GPSM2: variants seen among roughly 807,000 people sequenced by gnomAD.
GPSM2 encodes the protein G protein-signaling modulator 2.
In GPSM2, 58 loss-of-function variants were observed where a neutral mutation model predicts 78.4. That is an observed-to-expected ratio of 0.74 (90% CI 0.60 to 0.92). GPSM2 has a LOEUF of 0.92. Among genes scored for constraint, GPSM2 ranks in the 40% least tolerant of loss-of-function variants. The probability of loss-of-function intolerance (pLI) is 0.00; values close to 1 mark genes in which losing one functional copy is unlikely to be tolerated. For synonymous variants in GPSM2, 224 were observed against 280.2 expected, an observed-to-expected ratio of 0.80 and a Z score of 2.00; for missense variants, 700 against 815.5, an observed-to-expected ratio of 0.86 and a Z score of 1.73.
intron 13 of GPSM2, among the ~76,000 whole-genome samples, chr1:108,923,728 G>A (rs1650911023): frequency 6.6e-6 from 1 of 152,174 alleles, no homozygotes; most frequent in Non-Finnish European, 1.5e-5. Context: ...GTTACATTTT[G>A]AGTGAGCATT....
chr1:108,884,376 A>G (rs977868211), intron 1 of GPSM2, among the ~76,000 whole-genome samples: 8 of 152,306 alleles, frequency 5.3e-5, no homozygotes, highest in East Asian at 3.9e-4. Context: ...AGTAACAGCA[A>G]TCCAAAAAAC....
chr1:108,909,635 T>A, intron 10 of GPSM2: 1 of 152,004 alleles, frequency 6.6e-6, no homozygotes, highest in East Asian at 1.9e-4. Context: ...CCAGGCGCGG[T>A]GGCTCACGCC....
At chr1:108,900,395 C>T (rs1648713174) in intron 7 of GPSM2, among the ~76,000 whole-genome samples, 1 of 152,006 alleles carries the variant, frequency 6.6e-6, no homozygotes, top group Non-Finnish European at 1.5e-5. Flanking sequence ...TCTGCCACCA[C>T]GCCCAGCTAA....
intron 2 of GPSM2, among the ~76,000 whole-genome samples, chr1:108,893,378 C>T (rs541275044): frequency 1.3e-5 from 2 of 152,292 alleles, no homozygotes; most frequent in South Asian, 4.1e-4. Flanking sequence ...CCTCACTTCC[C>T]CCTCAGTGAA....
chr1:108,904,392 GCT>G (rs1216010369), intron 10 of GPSM2, 138 bp downstream of exon 10: 4 of 374,596 alleles, frequency 1.1e-5, no homozygotes, highest in Non-Finnish European at 2.0e-5. Flanking sequence ...GCTGTACACA[GCT>G]CTGTTTGTAA....
chr1:108,888,751 G>A (rs1206599787), intron 2 of GPSM2, among the ~76,000 whole-genome samples: 1 of 152,168 alleles, frequency 6.6e-6, no homozygotes, highest in African/African-American at 2.4e-5. Flanking sequence ...AATTTTAGAT[G>A]TCTTAACATA....
intron 1 of GPSM2, among the ~76,000 whole-genome samples, chr1:108,878,979 G>A (rs1298593723): frequency 6.6e-6 from 1 of 152,202 alleles, no homozygotes; most frequent in Non-Finnish European, 1.5e-5. Flanking sequence ...AATCTCTGCT[G>A]TGTCTCTGGA....
At chr1:108,917,611 C>CATATATATATATATATATATAT (rs55909258) in intron 11 of GPSM2, among the ~76,000 whole-genome samples, 7 of 22,702 alleles carry the variant, frequency 3.1e-4, no homozygotes, top group Non-Finnish European at 4.7e-4. Flanking sequence ...CACACACACA[C>CATATATATATATATATATATAT]ATATATATAT....
Position 108,931,129 on chromosome 1 carries a change from T to G in GPSM2, c.*1189T>G. 1 of 507,204 alleles carries G rather than the reference T, an allele frequency of 2.0e-6. No homozygotes were observed. Among genetic ancestry groups the G allele is most frequent in the South Asian group, 2.7e-5 (1 of 37,526 alleles). The allele number at this position is 507,204 out of a possible 1,614,324, so 31.4% of individuals were successfully genotyped here. A position where few individuals can be genotyped will look rare whatever the true frequency, so the allele number is the denominator to read the frequency against. On this transcript the variant is annotated 3_prime_UTR_variant, in exon 15 of 15. Coordinates refer to ENST00000264126, the MANE Select transcript of GPSM2 (RefSeq NM_013296.5). Reference sequence around the variant, plus strand: ...AATGGTCTCTTCTGTTCCATAATACTGCTGTAAAACAAACTTTTCTAAGTT... The same window carrying G: ...AATGGTCTCTTCTGTTCCATAATACGGCTGTAAAACAAACTTTTCTAAGTT...
At chr1:108,885,907 G>A (rs1647506358) in intron 2 of GPSM2, among the ~76,000 whole-genome samples, 1 of 152,036 alleles carries the variant, frequency 6.6e-6, no homozygotes, top group Non-Finnish European at 1.5e-5. Flanking sequence ...TTAAAAATGT[G>A]GTCAGCTGAA....
intron 1 of GPSM2, among the ~76,000 whole-genome samples, chr1:108,881,872 A>G (rs1665917777): frequency 6.6e-6 from 1 of 152,226 alleles, no homozygotes; most frequent in Non-Finnish European, 1.5e-5. Flanking sequence ...CTACATGTTT[A>G]CATCTTAAGG....
intron 14 of GPSM2, among the ~76,000 whole-genome samples, chr1:108,928,089 T>C (rs1281008601): frequency 6.6e-6 from 1 of 152,180 alleles, no homozygotes; most frequent in Non-Finnish European, 1.5e-5. Flanking sequence ...AATTAAAAAC[T>C]TGTGCATCAA....
chr1:108,929,534 A>T (rs1651521476), intron 14 of GPSM2, 167 bp from the exon 15 acceptor site: 2 of 664,034 alleles, frequency 3.0e-6, no homozygotes, highest in Non-Finnish European at 5.2e-6. Flanking sequence ...TTCTTTCAGA[A>T]ATCAGGCTGG....
chr1:108,888,565 C>G (rs910847457), intron 2 of GPSM2, among the ~76,000 whole-genome samples: 2 of 152,220 alleles, frequency 1.3e-5, no homozygotes, highest in African/African-American at 4.8e-5. Context: ...GTCTCGAACT[C>G]CTGGGCTCAA....
rs58261746 is a variant in GPSM2 at position 108,928,988 on chromosome 1, CAA to C, written c.1816-695_1816-694del. On this transcript the variant is annotated intron_variant, in intron 14 of 14. Transcript: ENST00000264126. ...TGGATGACAGAGCGAGAATCCGTCT[CAA>C]AAAAAAAAAAAAAAAAATTCATTCT... 7.7e-4 allele frequency among the ~76,000 whole-genome samples: 80 copies of C among 104,554 alleles called. 1 individual carries two copies. The highest frequency in any genetic ancestry group is 1.6e-3 in the East Asian group (6 of 3,752). 68.6% of individuals were successfully genotyped at this position (104,554 alleles called of 152,430 possible). A position where few individuals can be genotyped will look rare whatever the true frequency, so the allele number is the denominator to read the frequency against.
At position 108,898,017 on chromosome 1, in the gene GPSM2, G is replaced by A. The variant is rs776583119; in HGVS notation, c.473G>A (p.Ser158Asn). 3 of 1,613,898 alleles carry A rather than the reference G, an allele frequency of 1.9e-6. No homozygotes were observed. In the African/African-American group the frequency reaches 4.0e-5, roughly 22 times the overall value. The change falls in exon 5 of 15, where the codon AGT becomes AAT. Residue 158 changes from serine (S) to asparagine (N), a missense_variant. Physicochemically the swap from Ser to Asn is conservative, Grantham distance 46 (BLOSUM62 1). Coordinates refer to ENST00000264126, the MANE Select transcript of GPSM2 (RefSeq NM_013296.5). ...LGNVYHAKGKSFGCPGPQDVG... is the reference protein window; with the variant it reads ...LGNVYHAKGKNFGCPGPQDVG... ...AATGTGTATCATGCCAAAGGGAAAA[G>A]TTTTGGTTGCCCTGGTCCCCAGGAT...
chr1:108,891,726 A>G (rs534937268), intron 2 of GPSM2, among the ~76,000 whole-genome samples: 3 of 144,392 alleles, frequency 2.1e-5, no homozygotes, highest in African/African-American at 7.9e-5. Context: ...GCTGGTCTCG[A>G]ACTCCTGGGC....
intron 2 of GPSM2, 44 bp from the exon 3 acceptor site, chr1:108,896,820 G>C (rs781015812): frequency 7.3e-7 from 1 of 1,365,046 alleles, no homozygotes; most frequent in Non-Finnish European, 1.1e-6. Flanking sequence ...CTGTGATGCA[G>C]CTGTAATGTT....
At chr1:108,894,605 C>T (rs1226728586) in intron 2 of GPSM2, among the ~76,000 whole-genome samples, 2 of 151,852 alleles carry the variant, frequency 1.3e-5, no homozygotes, top group African/African-American at 4.8e-5. Context: ...GACTGAGGCA[C>T]GAGAATCACT....
Sources: gnomAD v4.1 joint callset for allele counts (sites outside exome capture counted in the v4.1 genomes callset) on GRCh38, gnomAD v4.1.1 for gene constraint, MANE v1.5 for transcripts, NCBI Gene and HGNC (gene_info 2026-07-23, HGNC 2026-07-21) for gene names.